SIM2: variants seen among roughly 807,000 people sequenced by gnomAD.
SIM2 encodes the protein single-minded homolog 2.
In SIM2, 28 loss-of-function variants were observed where a neutral mutation model predicts 64.8. The observed-to-expected ratio is 0.43, with a 90% CI of 0.32 to 0.59. The LOEUF is 0.59. Ranked by LOEUF, SIM2 falls within the 20% of genes least tolerant of loss-of-function variation. The probability of loss-of-function intolerance (pLI) is 0.07; values close to 1 mark genes in which losing one functional copy is unlikely to be tolerated. For synonymous variants in SIM2, 408 were observed against 391.1 expected (o/e 1.04, Z -0.51); for missense variants, 847 against 871.4 (o/e 0.97, Z 0.35).
chr21:36,719,035 G>A (rs1182695760), intron 3 of SIM2, among the ~76,000 whole-genome samples: 1 of 152,174 alleles, frequency 6.6e-6, no homozygotes, highest in Non-Finnish European at 1.5e-5. Context: ...TGTCCTCTGT[G>A]GGCTGTGTCT....
intron 4 of SIM2, among the ~76,000 whole-genome samples, chr21:36,722,578 A>G (rs1392333702): frequency 6.6e-6 from 1 of 152,194 alleles, no homozygotes; most frequent in Non-Finnish European, 1.5e-5. Context: ...CTGCAAAAGC[A>G]AAGTGAGTGA....
chr21:36,740,260 A>C (rs1272861959), intron 7 of SIM2, among the ~76,000 whole-genome samples: 1 of 152,128 alleles, frequency 6.6e-6, no homozygotes, highest in East Asian at 1.9e-4. Context: ...CTCGTGCTTC[A>C]GCCCCTGGCA....
At chr21:36,736,600 G>A (rs2089051556) in intron 7 of SIM2, among the ~76,000 whole-genome samples, 2 of 152,124 alleles carry the variant, frequency 1.3e-5, no homozygotes, top group East Asian at 3.9e-4. Flanking sequence ...GTCAGGCGAG[G>A]GGGCACCTCG....
At chr21:36,719,539 C>T (rs892541660) in intron 3 of SIM2, among the ~76,000 whole-genome samples, 9 of 152,256 alleles carry the variant, frequency 5.9e-5, no homozygotes, top group African/African-American at 2.2e-4. Context: ...TGGTGCCCAC[C>T]TTTTCCACCC....
intron 1 of SIM2, among the ~76,000 whole-genome samples, chr21:36,705,635 G>C (rs1398696703): frequency 6.6e-6 from 1 of 152,188 alleles, no homozygotes; most frequent in Admixed American, 6.5e-5. Flanking sequence ...CCGAGGAGAC[G>C]GGCCCAGCTG....
chr21:36,710,304 C>T (rs2088656858), intron 2 of SIM2: 1 of 152,252 alleles, frequency 6.6e-6, no homozygotes, highest in South Asian at 2.1e-4. Flanking sequence ...GTGCTTAGCG[C>T]CCCGAGCCCG....
intron 1 of SIM2, among the ~76,000 whole-genome samples, chr21:36,705,096 G>T (rs1416106760): frequency 1.3e-5 from 2 of 152,194 alleles, no homozygotes. Flanking sequence ...CAGGTTCCCG[G>T]CGACTGGTGT....
chr21:36,699,721 T>A lies in SIM2; in HGVS notation c.-26T>A. The A allele has an allele frequency of 6.2e-7, 1 of 1,606,180 alleles. No homozygotes were observed. Among genetic ancestry groups the A allele is most frequent in the South Asian group, 1.1e-5 (1 of 90,136 alleles). On this transcript the variant is annotated 5_prime_UTR_variant, in exon 1 of 11. Transcript: ENST00000290399. This position sits in a 1 kb window ranked among gnomAD's most constrained non-coding sequence, Gnocchi z 5.6. ...TCCGCGGGCCTGGAGCACGGCCGGG[T>A]CTAATATGCCCGGAGCCGAGGCGCG...
chr21:36,745,132 C>T lies in SIM2; in HGVS notation c.1572C>T (p.Tyr524=), dbSNP rs535112068. 2.1e-5 allele frequency: 33 copies of T among 1,608,976 alleles called. No homozygotes were observed. The highest frequency in any genetic ancestry group is 1.7e-4 in the South Asian group (15 of 90,250). Residue 524 remains tyrosine (Y), a synonymous_variant, in exon 10 of 11, where the codon TAC becomes TAT. Coordinates refer to ENST00000290399, the MANE Select transcript of SIM2 (RefSeq NM_005069.6). The surrounding 1 kb of genome is among the most constrained non-coding windows in gnomAD (Gnocchi z 4.8). The part of the protein sequence containing the change: ...NTARHSLVPS[Y]EAPAAAVRRF... Reference sequence around the variant, plus strand: ...CTAGGCACAGCCTGGTGCCAAGCTACGAAGGTGGGTCAGGTCTGCTCGTGG... The same window carrying T: ...CTAGGCACAGCCTGGTGCCAAGCTATGAAGGTGGGTCAGGTCTGCTCGTGG...
intron 7 of SIM2, among the ~76,000 whole-genome samples, chr21:36,732,899 G>A (rs1055348814): frequency 6.6e-6 from 1 of 152,240 alleles, no homozygotes; most frequent in Non-Finnish European, 1.5e-5. Context: ...AGTAGCAAGA[G>A]CAGTTGGGAG....
chr21:36,744,602 G>A, intron 9 of SIM2, 126 bp from the exon 10 acceptor site: 1 of 1,191,320 alleles, frequency 8.4e-7, no homozygotes, highest in Non-Finnish European at 1.1e-6. Context: ...GGACCTTGCA[G>A]TGGTGGCGAG....
chr21:36,719,779 C>T lies in SIM2; in HGVS notation c.349-42C>T, dbSNP rs1396895950. 4.0e-6 allele frequency: 5 copies of T among 1,260,312 alleles called. No homozygotes were observed. In the East Asian group the frequency reaches 9.3e-5, roughly 23 times the overall value. 78.1% of individuals were successfully genotyped at this position (1,260,312 alleles called of 1,614,324 possible). The stretch of plus-strand genomic sequence containing the variant: ...CTTGCCCCTCCCCCTGCGCCAATCC[C>T]AGAGAGGCGGTGGCATTTCTGACCC... On this transcript the variant is annotated intron_variant, in intron 3 of 10. Coordinates refer to ENST00000290399, the MANE Select transcript of SIM2 (RefSeq NM_005069.6).
intron 1 of SIM2, among the ~76,000 whole-genome samples, chr21:36,704,123 G>A (rs1260303613): frequency 2.0e-5 from 3 of 152,330 alleles, no homozygotes; most frequent in South Asian, 4.2e-4. Context: ...GGGGTTCAAG[G>A]TCTGAACTCT....
intron 7 of SIM2, 150 bp downstream of exon 7, chr21:36,731,301 C>T (rs116591818): frequency 0.011 from 6,789 of 608,016 alleles, 338 homozygotes; most frequent in African/African-American, 0.11. Context: ...CTTCCTCCAC[C>T]CCGTGATTAA....
intron 3 of SIM2, among the ~76,000 whole-genome samples, 158 bp from the exon 4 acceptor site, chr21:36,719,663 A>G (rs1015303799): frequency 1.1e-4 from 16 of 152,264 alleles, no homozygotes; most frequent in African/African-American, 3.9e-4. Flanking sequence ...CTCTGTTGAG[A>G]AAAGAAAACT....
At chr21:36,731,819 G>T (rs1666194657) in intron 7 of SIM2, among the ~76,000 whole-genome samples, 1 of 152,120 alleles carries the variant, frequency 6.6e-6, no homozygotes, top group Non-Finnish European at 1.5e-5. Context: ...GGATATAGAG[G>T]CGGATGCTCT....
rs1405064571 is a variant in SIM2, at chr21:36,723,116, T to C, written c.529T>C (p.Cys177Arg). 1 of 1,613,974 alleles carries C rather than the reference T, an allele frequency of 6.2e-7. No individual in the cohort carries two copies. The highest frequency in any genetic ancestry group is 1.3e-5 in the African/African-American group (1 of 74,924). ...VLAKRNAGLT[C>R]SGYKVIHCSG... is the part of the protein sequence containing the mutation. Reference sequence around the variant, plus strand: ...GGCGAAAAGGAACGCGGGCCTGACCTGCAGCGGATACAAGGTACGGGGAGT... The same window carrying C: ...GGCGAAAAGGAACGCGGGCCTGACCCGCAGCGGATACAAGGTACGGGGAGT... Residue 177 changes from cysteine (C) to arginine (R), a missense_variant, in exon 5 of 11, where the codon TGC (cysteine) becomes CGC (arginine). Coordinates refer to ENST00000290399, the MANE Select transcript of SIM2 (RefSeq NM_005069.6).
In SIM2 at chr21:36,709,214, C is replaced by A. The variant is rs2088635717; in HGVS notation, c.222C>A (p.Asp74Glu). The A allele has an allele frequency of 3.1e-6, 5 of 1,610,358 alleles. No homozygotes were observed. Among genetic ancestry groups the A allele is most frequent in the Non-Finnish European group, 4.2e-6 (5 of 1,178,808 alleles). ...AGCCGAGCCGCGCCGGGCCCCTGGA[C>A]GGCGTCGCCAAGGAGCTGGGATCGC... ...WGQPSRAGPL[D>E]GVAKELGSHL... is the part of the protein sequence containing the mutation. The change falls in exon 2 of 11, where the codon GAC (aspartate) becomes GAA (glutamate). Residue 74 changes from aspartate to glutamate, a missense_variant. By Grantham distance (45) the Asp-to-Glu change is conservative. Coordinates refer to ENST00000290399, the MANE Select transcript of SIM2 (RefSeq NM_005069.6).
intron 7 of SIM2, among the ~76,000 whole-genome samples, chr21:36,734,769 C>T (rs916210949): frequency 1.3e-5 from 2 of 152,204 alleles, no homozygotes; most frequent in African/African-American, 4.8e-5. Context: ...CAAGCAGGGT[C>T]TTCAGAGTCG....
Sources: allele counts gnomAD v4.1 joint callset (sites outside exome capture counted in the v4.1 genomes callset), GRCh38; gene constraint gnomAD v4.1.1; non-coding constraint Gnocchi (gnomAD v3.1); transcripts MANE v1.5; gene names NCBI Gene and HGNC (gene_info 2026-07-23, HGNC 2026-07-21).